The following CDH18 variants were observed in gnomAD, a reference collection of about 807,000 sequenced individuals.
CDH18 encodes the protein cadherin 18.
Under a neutral mutation model 67.9 loss-of-function variants are expected in CDH18, and 31 were observed. The ratio of observed to expected loss-of-function variants is 0.46; its 90% CI spans 0.34 to 0.62. The LOEUF (loss-of-function observed/expected upper bound fraction) is 0.62, where lower values mean the gene tolerates loss of function less well. CDH18 is among the 20% of genes least tolerant of loss of function. The pLI is 0.01. For missense variants in CDH18, 890 were observed against 975.5 expected (o/e 0.91, Z 1.17); for synonymous variants, 362 against 347.2 (o/e 1.04, Z -0.48).
chr5:19,670,111 G>A (rs1210061191), intron 5 of CDH18, among the ~76,000 whole-genome samples: 1 of 148,904 alleles, frequency 6.7e-6, no homozygotes, highest in African/African-American at 2.5e-5. Flanking sequence ...CTACAGATCT[G>A]GGAAACAATA....
At chr5:19,766,297 C>A (rs182388437) in intron 3 of CDH18, among the ~76,000 whole-genome samples, 111 of 152,300 alleles carry the variant, frequency 7.3e-4, no homozygotes, top group Non-Finnish European at 1.1e-3. Flanking sequence ...CTCTCAGTAA[C>A]CCAAGATTGA....
intron 2 of CDH18, among the ~76,000 whole-genome samples, chr5:20,068,027 C>G (rs112544297): frequency 0.011 from 1,746 of 152,074 alleles, 16 homozygotes; most frequent in Non-Finnish European, 0.018. Flanking sequence ...ATCTCGTTTA[C>G]CTTTTATTAC....
intron 2 of CDH18, among the ~76,000 whole-genome samples, chr5:20,172,214 A>ATATATATACACGTATATATATATATACG (rs1736831129): frequency 3.0e-5 from 1 of 32,860 alleles, no homozygotes; most frequent in Non-Finnish European, 6.0e-5. Context: ...ATATATATAT[A>ATATATATACACGTATATATATATATACG]TATATATATG....
intron 1 of CDH18, among the ~76,000 whole-genome samples, chr5:20,312,307 CCTTT>C (rs1737067113): frequency 6.6e-6 from 1 of 152,108 alleles, no homozygotes; most frequent in African/African-American, 2.4e-5. Context: ...TTCTTTCATT[CCTTT>C]CTCATTGTTA....
chr5:20,566,422 C>T (rs745572722), intron 1 of CDH18, among the ~76,000 whole-genome samples: 4 of 140,122 alleles, frequency 2.9e-5, no homozygotes, highest in Non-Finnish European at 3.0e-5. Flanking sequence ...TGCAGTGGTG[C>T]GATCTCGGCT....
intron 2 of CDH18, among the ~76,000 whole-genome samples, chr5:20,051,913 A>G (rs1419328987): frequency 6.6e-6 from 1 of 152,058 alleles, no homozygotes; most frequent in Non-Finnish European, 1.5e-5. Flanking sequence ...AAGTACATGG[A>G]CAGATGAGAG....
intron 1 of CDH18, among the ~76,000 whole-genome samples, chr5:20,258,490 T>TA (rs1481712457): frequency 6.6e-6 from 1 of 152,202 alleles, no homozygotes; most frequent in East Asian, 1.9e-4. Flanking sequence ...TTTGTAATGT[T>TA]AAACTGCACA....
intron 3 of CDH18, among the ~76,000 whole-genome samples, chr5:19,795,954 A>G (rs1776809876): frequency 6.6e-6 from 1 of 152,112 alleles, no homozygotes. Context: ...GAATGAAAAC[A>G]TTGCTGGATA....
At chr5:20,319,758 T>G (rs750288373) in intron 1 of CDH18, among the ~76,000 whole-genome samples, 11 of 152,066 alleles carry the variant, frequency 7.2e-5, no homozygotes, top group Non-Finnish European at 1.0e-4. Context: ...AAATTGCACA[T>G]CCAATTTTAT....
Position 19,472,094 on chromosome 5 carries a change from A to G in CDH18, c.*1132T>C, listed in dbSNP as rs1348646167. Among the ~76,000 whole-genome samples the G allele has an allele frequency of 6.6e-6, 1 of 152,162 alleles. No individual in the cohort carries two copies. Among genetic ancestry groups the G allele is most frequent in the African/African-American group, 2.4e-5 (1 of 41,446 alleles). ...TAGTCCTACACATTTTCCTGTTGAT[A>G]CCAAACTAATTATCAGTGAGATGGA... On this transcript the variant is annotated 3_prime_UTR_variant, in exon 13 of 13. Transcript: ENST00000382275.
chr5:19,652,254 T>G (rs999667387), intron 5 of CDH18, among the ~76,000 whole-genome samples: 1 of 152,126 alleles, frequency 6.6e-6, no homozygotes, highest in African/African-American at 2.4e-5. Flanking sequence ...TATTATTATT[T>G]TTTACTATTG....
intron 4 of CDH18, among the ~76,000 whole-genome samples, chr5:19,725,907 T>G (rs1581077452): frequency 6.6e-6 from 1 of 152,328 alleles, no homozygotes; most frequent in Middle Eastern, 3.4e-3. Flanking sequence ...AAAACTAGGC[T>G]ATAAACTCCT....
intron 7 of CDH18, among the ~76,000 whole-genome samples, chr5:19,575,625 C>G (rs529397414): frequency 6.6e-6 from 1 of 152,252 alleles, no homozygotes; most frequent in African/African-American, 2.4e-5. Context: ...AATGAAGCTG[C>G]TTAATGTTGC....
chr5:20,466,115 T>C (rs1751614886), intron 1 of CDH18, among the ~76,000 whole-genome samples: 1 of 152,056 alleles, frequency 6.6e-6, no homozygotes, highest in Non-Finnish European at 1.5e-5. Context: ...AATATATTTC[T>C]GTATTGATTG....
At chr5:20,545,145 G>C (rs1189397615) in intron 1 of CDH18, among the ~76,000 whole-genome samples, 1 of 152,200 alleles carries the variant, frequency 6.6e-6, no homozygotes, top group African/African-American at 2.4e-5. Flanking sequence ...CTGGTGCAAG[G>C]GGTGGGCTCC....
chr5:19,696,926 G>T (rs1336406249), intron 5 of CDH18, among the ~76,000 whole-genome samples: 2 of 152,084 alleles, frequency 1.3e-5, no homozygotes, highest in African/African-American at 4.8e-5. Context: ...TCTAAGAAGG[G>T]GAGATATTGT....
At chr5:20,076,068 T>C (rs1343149381) in intron 2 of CDH18, among the ~76,000 whole-genome samples, 2 of 152,150 alleles carry the variant, frequency 1.3e-5, no homozygotes, top group Admixed American at 6.5e-5. Context: ...GTAACTTCAC[T>C]TGTACCCCTT....
intron 3 of CDH18, among the ~76,000 whole-genome samples, chr5:19,792,335 A>G (rs1160639330): frequency 6.6e-6 from 1 of 152,108 alleles, no homozygotes; most frequent in African/African-American, 2.4e-5. Context: ...TTGAGCCTTC[A>G]GGCTTCGTAA....
intron 9 of CDH18, among the ~76,000 whole-genome samples, chr5:19,523,336 T>G (rs1303483698): frequency 6.6e-6 from 1 of 152,112 alleles, no homozygotes; most frequent in Non-Finnish European, 1.5e-5. Flanking sequence ...ATTGATAAAT[T>G]TGATTGCACT....
Sources: allele counts gnomAD v4.1 joint callset (sites outside exome capture counted in the v4.1 genomes callset), GRCh38; gene constraint gnomAD v4.1.1; transcripts MANE v1.5; gene names NCBI Gene and HGNC (gene_info 2026-07-23, HGNC 2026-07-21).